Variants in A2M observed in about 807,000 individuals in gnomAD.
A2M encodes C3 and PZP-like alpha-2-macroglobulin domain-containing protein 5.
In A2M, 128 loss-of-function variants were observed where a neutral mutation model predicts 183.9. That is an observed-to-expected ratio of 0.70 (90% confidence interval 0.60 to 0.81). The LOEUF is 0.81. A2M is among the 30% of genes least tolerant of loss of function. A2M has a pLI of 0.00. For missense variants in A2M, 1,495 were observed against 1,787.6 expected (o/e 0.84, Z 2.95); for synonymous variants, 592 against 670.8 (o/e 0.88, Z 1.81).
chr12:9,104,539 G>T lies in A2M; in HGVS notation c.1105-139C>A. On this transcript the variant is annotated intron_variant, in intron 10 of 35. Coordinates refer to ENST00000318602, the MANE Select transcript of A2M (RefSeq NM_000014.6). ...TGAGGACACAGCAGTGAAAAAAAAC[G>T]AAGTTTCTTCCATCACAGAGCTTAC... 1.8e-5 allele frequency: 13 copies of T among 739,546 alleles called. No homozygotes were observed. In the South Asian group the frequency reaches 2.6e-4, roughly 15 times the overall value. 45.8% of individuals were successfully genotyped at this position (739,546 alleles called of 1,614,324 possible). A position where few individuals can be genotyped will look rare whatever the true frequency, so the allele number is the denominator to read the frequency against.
chr12:9,112,062 C>T (rs1290965367), intron 4 of A2M, 97 bp downstream of exon 4: 3 of 1,124,632 alleles, frequency 2.7e-6, no homozygotes, highest in South Asian at 1.2e-5. Context: ...TTAATGATAC[C>T]AGATTCTTCC....
chr12:9,094,895 T>C (rs1009535068), intron 17 of A2M, 78 bp downstream of exon 17: 56 of 700,302 alleles, frequency 8.0e-5, no homozygotes, highest in Non-Finnish European at 1.1e-4. Context: ...TGTTAATTTT[T>C]GTCACATTGT....
At chr12:9,103,927 C>A (rs1421159302) in intron 11 of A2M, among the ~76,000 whole-genome samples, 4 of 152,052 alleles carry the variant, frequency 2.6e-5, no homozygotes, top group Admixed American at 2.0e-4. Flanking sequence ...GAATATATGT[C>A]CAGAAGTAGG....
At chr12:9,100,130 AT>A (rs754143517) in intron 13 of A2M, among the ~76,000 whole-genome samples, 22 of 152,298 alleles carry the variant, frequency 1.4e-4, no homozygotes, top group Non-Finnish European at 2.6e-4. Context: ...ATTATGACAT[AT>A]TTGCTCATGG....
rs765130157 is a variant in A2M at position 9,095,714 on chromosome 12, A to G, written c.1852-14T>C. The stretch of plus-strand genomic sequence containing the variant: ...CAGGTTGTAAACCTGTACAAATACG[A>G]AAGACAAAAAGGCAAACTTATTTGT... On this transcript the variant is annotated splice_polypyrimidine_tract_variant and intron_variant, in intron 15 of 35. Coordinates refer to ENST00000318602, the MANE Select transcript of A2M (RefSeq NM_000014.6). 6.5e-7 allele frequency: 1 copy of G among 1,533,834 alleles called. No individual in the cohort carries two copies. The highest frequency in any genetic ancestry group is 1.2e-5 in the South Asian group (1 of 80,694).
intron 31 of A2M, 89 bp from the exon 32 acceptor site, chr12:9,070,667 T>A: frequency 1.2e-6 from 1 of 861,786 alleles, no homozygotes; most frequent in Non-Finnish European, 1.8e-6. Context: ...TCCACAGCTC[T>A]AAAAGGTACA....
chr12:9,104,467 A>G, intron 10 of A2M, 67 bp from the exon 11 acceptor site: 2 of 1,498,104 alleles, frequency 1.3e-6, no homozygotes, highest in Non-Finnish European at 1.8e-6. Flanking sequence ...ATATTCATTT[A>G]TCACATTTTT....
In A2M at chr12:9,079,973, AAAG is replaced by A. The variant is rs1172829021; in HGVS notation, c.2854+118_2854+120del. 3.2e-6 allele frequency: 3 copies of A among 948,876 alleles called. No homozygotes were observed. In the African/African-American group the frequency reaches 5.0e-5, roughly 16 times the overall value. 58.8% of individuals were successfully genotyped at this position (948,876 alleles called of 1,614,324 possible). On this transcript the variant is annotated intron_variant, in intron 23 of 35. Transcript: ENST00000318602. ...ATGATTGAAAGCAATAAACAAGCCC[AAAG>A]AAGAAGAGAAGAAAGAAGTTAAAAT...
intron 29 of A2M, among the ~76,000 whole-genome samples, chr12:9,073,555 T>C (rs1235094987): frequency 2.0e-5 from 3 of 152,208 alleles, no homozygotes; most frequent in Admixed American, 6.5e-5. Flanking sequence ...AATTACTTAG[T>C]TTTTTTCATT....
chr12:9,112,497 TGAGGAACATTA>T lies in A2M; in HGVS notation c.299_309del (p.Val100AspfsTer12). The T allele has an allele frequency of 6.2e-7, 1 of 1,613,802 alleles. No individual in the cohort carries two copies. The highest frequency in any genetic ancestry group is 8.5e-7 in the Non-Finnish European group (1 of 1,179,792). ...TGGGTTGGTCCTTTCACTTGGACAGTGAGGAACATTACCTCCTCATTGGATGAAGACTTTGG... is the reference window on the plus strand; with the variant it reads ...TGGGTTGGTCCTTTCACTTGGACAGTCCTCCTCATTGGATGAAGACTTTGG... On this transcript the variant is annotated frameshift_variant, in exon 3 of 36. Coordinates refer to ENST00000318602, the MANE Select transcript of A2M (RefSeq NM_000014.6). LOFTEE classifies it high-confidence loss of function.
At chr12:9,099,670 C>T in intron 13 of A2M, 147 bp from the exon 14 acceptor site, 2 of 945,528 alleles carry the variant, frequency 2.1e-6, no homozygotes, top group Non-Finnish European at 3.1e-6. Flanking sequence ...CTATCAAAGC[C>T]CTCTCTCCTC....
At chr12:9,089,325 AGATATTTGGATAGT>A (rs1949137837) in intron 21 of A2M, 74 bp from the exon 22 acceptor site, 1 of 1,051,512 alleles carries the variant, frequency 9.5e-7, no homozygotes, top group Admixed American at 2.0e-5. Flanking sequence ...GAGGGACCAC[AGATATTTGGATAGT>A]GAAGAGAAGG....
At chr12:9,107,721 T>A in intron 7 of A2M, 77 bp from the exon 8 acceptor site, 1 of 1,538,938 alleles carries the variant, frequency 6.5e-7, no homozygotes, top group Non-Finnish European at 8.9e-7. Context: ...TATCTCCCCT[T>A]TAGCTACAGT....
intron 22 of A2M, 75 bp from the exon 23 acceptor site, chr12:9,080,252 A>G: frequency 9.9e-7 from 1 of 1,007,428 alleles, no homozygotes. Context: ...TATGACCCAG[A>G]AGCTAGGACT....
upstream of A2M, chr12:9,116,089 G>A: frequency 2.0e-6 from 1 of 494,818 alleles, no homozygotes; most frequent in South Asian, 1.9e-5. Context: ...AGAATCCCTG[G>A]AGGGCTAAAA....
chr12:9,093,916 C>CA (rs1565592217), intron 17 of A2M, among the ~76,000 whole-genome samples: 70 of 147,682 alleles, frequency 4.7e-4, no homozygotes, highest in Admixed American at 6.7e-4. Context: ...AACAAACAAA[C>CA]AACAAAAAAA....
chr12:9,077,799 C>A lies in A2M; in HGVS notation c.3178G>T (p.Glu1060Ter), dbSNP rs775145938. The stretch of plus-strand genomic sequence containing the variant: ...ATGAGGGCTTGGGTAATGTGTGCTT[C>A]ATCGATGAAGATGTAGGCTCGAGCT... ...AQARAYIFID[E>*]AHITQALIWL... is the part of the protein sequence containing the mutation. The change falls in exon 26 of 36, where the codon GAA (glutamate) becomes TAA (stop). Residue 1060 changes from glutamate (E) to a stop codon, truncating the protein, a stop_gained. Transcript: ENST00000318602. LOFTEE classifies it high-confidence loss of function. 27 of 1,614,068 alleles carry A rather than the reference C, an allele frequency of 1.7e-5. No individual in the cohort carries two copies. Among genetic ancestry groups the A allele is most frequent in the Non-Finnish European group, 1.9e-5 (22 of 1,180,038 alleles).
intron 10 of A2M, among the ~76,000 whole-genome samples, chr12:9,105,502 C>A (rs1938213899): frequency 6.6e-6 from 1 of 152,144 alleles, no homozygotes; most frequent in Non-Finnish European, 1.5e-5. Flanking sequence ...TAGCTGAAAT[C>A]CTGTAACATT....
rs1399086522 is a variant in A2M, at chr12:9,079,721, G to A, written c.2949C>T (p.Asn983=). 6.2e-7 allele frequency: 1 copy of A among 1,613,592 alleles called. No individual in the cohort carries two copies. Among genetic ancestry groups the A allele is most frequent in the Non-Finnish European group, 8.5e-7 (1 of 1,179,762 alleles). Residue 983 remains asparagine (N), a synonymous_variant, in exon 24 of 36, where the codon AAC becomes AAT. Transcript: ENST00000318602. The stretch of plus-strand genomic sequence containing the variant: ...CATTTAGATAATCCAGTACATAGAT[G>A]TTAGGAGCAAAGAGGACCATATTCT... ...GEQNMVLFAP[N]IYVLDYLNET...
Sources: allele counts gnomAD v4.1 joint callset (sites outside exome capture counted in the v4.1 genomes callset), GRCh38; gene constraint gnomAD v4.1.1; transcripts MANE v1.5; gene names NCBI Gene and HGNC (gene_info 2026-07-23, HGNC 2026-07-21).